Variants in SLC9A1 observed in about 807,000 individuals in gnomAD.
SLC9A1 encodes the protein sodium/hydrogen exchanger 1.
A neutral mutation model predicts 67.9 loss-of-function variants in SLC9A1; 22 were observed. The observed-to-expected ratio is 0.32, with a 90% CI of 0.23 to 0.46. SLC9A1 has a LOEUF of 0.46. SLC9A1 is among the 20% of genes least tolerant of loss of function. The probability of loss-of-function intolerance (pLI) is 1.00; values close to 1 mark genes in which losing one functional copy is unlikely to be tolerated. For missense variants in SLC9A1, 686 were observed against 1,094.8 expected, an observed-to-expected ratio of 0.63 and a Z score of 5.27; for synonymous variants, 421 against 471.8, an observed-to-expected ratio of 0.89 and a Z score of 1.40.
At chr1:27,112,883 CAAAAAAAAAA>C in intron 2 of SLC9A1, among the ~76,000 whole-genome samples, 1 of 41,504 alleles carries the variant, frequency 2.4e-5, no homozygotes, top group East Asian at 8.1e-4. Context: ...GACTCCATCT[CAAAAAAAAAA>C]AAAAAAAAAA....
At chr1:27,138,961 G>A (rs544020335) in intron 1 of SLC9A1, among the ~76,000 whole-genome samples, 68 of 152,178 alleles carry the variant, frequency 4.5e-4, no homozygotes, top group Middle Eastern at 3.4e-3. Context: ...CAGGAGGCCC[G>A]GGAATCACCC....
intron 1 of SLC9A1, among the ~76,000 whole-genome samples, chr1:27,138,310 C>A (rs752451720): frequency 4.6e-5 from 7 of 152,226 alleles, no homozygotes; most frequent in Non-Finnish European, 1.0e-4. Context: ...TGGGTCTCAG[C>A]TCAGACACCA....
At chr1:27,119,356 C>T (rs528178871) in intron 1 of SLC9A1, among the ~76,000 whole-genome samples, 1 of 152,184 alleles carries the variant, frequency 6.6e-6, no homozygotes, top group South Asian at 2.1e-4. Context: ...GCCCATAGTG[C>T]CAGGTCACCA....
intron 1 of SLC9A1, among the ~76,000 whole-genome samples, chr1:27,133,605 T>G (rs1465706646): frequency 6.6e-6 from 1 of 152,030 alleles, no homozygotes; most frequent in Non-Finnish European, 1.5e-5. Flanking sequence ...TTAGAGGTAG[T>G]TAGGACGGGA....
Position 27,107,861 on chromosome 1 carries a change from T to C in SLC9A1, c.1069A>G (p.Ile357Val), listed in dbSNP as rs143304397. 1 of 1,596,410 alleles carries C rather than the reference T, an allele frequency of 6.3e-7. No homozygotes were observed. The highest frequency in any genetic ancestry group is 1.3e-5 in the African/African-American group (1 of 74,816). The change falls in exon 4 of 12, where the codon ATA becomes GTA. Residue 357 changes from isoleucine (I) to valine (V), a missense_variant. Physicochemically the swap from Ile to Val is conservative, Grantham distance 29. Coordinates refer to ENST00000263980, the MANE Select transcript of SLC9A1 (RefSeq NM_003047.5). ...LFHLSGIMAL[I>V]ASGVVMRPYV... ...GGGCGCATCACCACTCCTGAGGCTA[T>C]GAGCCTGGAGCAGGAAAGAGCGGGG...
intron 1 of SLC9A1, among the ~76,000 whole-genome samples, chr1:27,131,745 CAAAA>C (rs34967146): frequency 1.0e-5 from 1 of 97,784 alleles, no homozygotes. Context: ...GACTCTGTCT[CAAAA>C]AAAAAAAAAA....
intron 5 of SLC9A1, 93 bp from the exon 6 acceptor site, chr1:27,103,405 A>C: frequency 2.3e-6 from 2 of 876,018 alleles, no homozygotes; most frequent in Non-Finnish European, 2.0e-6. Flanking sequence ...CCCCAAGGCT[A>C]GGATGCCCTC....
Position 27,148,569 on chromosome 1 carries a change from C to T in SLC9A1, c.352+5414G>A, listed in dbSNP as rs115961686. Among the ~76,000 whole-genome samples the T allele has an allele frequency of 1.7e-3, 263 of 152,248 alleles. 2 individuals are homozygous for T. Among genetic ancestry groups the T allele is most frequent in the African/African-American group, 6.2e-3 (257 of 41,548 alleles). ...TAGTCCCAGGCATGCTAAGTGACCTCAGGCAGGTCACAACCGAAGGCTCAA... is the reference window on the plus strand; with the variant it reads ...TAGTCCCAGGCATGCTAAGTGACCTTAGGCAGGTCACAACCGAAGGCTCAA... On this transcript the variant is annotated intron_variant, in intron 1 of 11. Coordinates refer to ENST00000263980, the MANE Select transcript of SLC9A1 (RefSeq NM_003047.5).
intron 1 of SLC9A1, among the ~76,000 whole-genome samples, chr1:27,128,421 C>T (rs949507821): frequency 3.3e-5 from 5 of 152,180 alleles, no homozygotes; most frequent in South Asian, 2.1e-4. Flanking sequence ...CGGGGGAGGC[C>T]GAGGCGAGAG....
At chr1:27,102,311 A>AG (rs746748838) in intron 8 of SLC9A1, 74 bp downstream of exon 8, 493 of 1,497,592 alleles carry the variant, frequency 3.3e-4, no homozygotes, top group Non-Finnish European at 4.1e-4. Flanking sequence ...CCCGCCCCCC[A>AG]GGTGGCCACC....
rs1386887299 is a variant in SLC9A1, at chr1:27,109,389, A to C, written c.1064+138T>G. ...TTAAATGGCTACCAAGCAGGTCTGG[A>C]GCCTGGAGTTCATGTCTCATCCCTG... is the stretch of plus-strand genomic sequence containing the variant. On this transcript the variant is annotated intron_variant, in intron 3 of 11. Transcript: ENST00000263980. This position sits in a 1 kb window ranked among gnomAD's most constrained non-coding sequence, Gnocchi z 5.5. 2 of 925,880 alleles carry C rather than the reference A, an allele frequency of 2.2e-6. No individual in the cohort carries two copies. The highest frequency in any genetic ancestry group is 3.3e-6 in the Non-Finnish European group (2 of 599,722). The allele number at this position is 925,880 out of a possible 1,614,324, so 57.4% of individuals were successfully genotyped here.
chr1:27,153,952 C>T (rs2083548397), intron 1 of SLC9A1, 31 bp downstream of exon 1: 4 of 1,436,142 alleles, frequency 2.8e-6, no homozygotes, highest in Non-Finnish European at 1.9e-6. Context: ...AGTCTGGTGG[C>T]GGCCGCAGCA....
At chr1:27,126,438 G>C (rs887038409) in intron 1 of SLC9A1, among the ~76,000 whole-genome samples, 7 of 152,270 alleles carry the variant, frequency 4.6e-5, no homozygotes, top group Admixed American at 3.9e-4. Flanking sequence ...GATGTTGTCG[G>C]GGGGGTCACC....
rs755873620 is a variant in SLC9A1, at chr1:27,100,306, G to A, written c.*1C>T. On this transcript the variant is annotated 3_prime_UTR_variant, in exon 12 of 12. Coordinates refer to ENST00000263980, the MANE Select transcript of SLC9A1 (RefSeq NM_003047.5). The surrounding 1 kb of genome is among the most constrained non-coding windows in gnomAD (Gnocchi z 5.6). ...ACAGGCGCTGCCTGCTGGCCCTGGT[G>A]TTACTGCCCCTTGGGGAAGAACGGT... is the stretch of plus-strand genomic sequence containing the variant. The A allele has an allele frequency of 1.2e-5, 18 of 1,520,452 alleles. No individual in the cohort carries two copies. The highest frequency in any genetic ancestry group is 9.2e-5 in the South Asian group (7 of 75,974). The allele number at this position is 1,520,452 out of a possible 1,614,324, so 94.2% of individuals were successfully genotyped here. A position where few individuals can be genotyped will look rare whatever the true frequency, so the allele number is the denominator to read the frequency against.
chr1:27,148,965 A>G (rs2083507311), intron 1 of SLC9A1, among the ~76,000 whole-genome samples: 1 of 152,202 alleles, frequency 6.6e-6, no homozygotes, highest in African/African-American at 2.4e-5. Context: ...CTGATGGCTG[A>G]GAGGGCACCG....
chr1:27,154,431 G>T lies in SLC9A1; in HGVS notation c.-97C>A. ...TCAGCAAGTGGGAAGAGAGACTGGC[G>T]TAGTCTCTAGGAAAAGTTCATGTTT... is the stretch of plus-strand genomic sequence containing the variant. On this transcript the variant is annotated 5_prime_UTR_variant, in exon 1 of 12. Transcript: ENST00000263980. The T allele has an allele frequency of 1.4e-6, 1 of 697,412 alleles. No individual in the cohort carries two copies. The highest frequency in any genetic ancestry group is 2.3e-6 in the Non-Finnish European group (1 of 433,272). The allele number at this position is 697,412 out of a possible 1,614,324, so 43.2% of individuals were successfully genotyped here.
chr1:27,147,299 CAAAA>C (rs57583944), intron 1 of SLC9A1, among the ~76,000 whole-genome samples: 5 of 43,942 alleles, frequency 1.1e-4, no homozygotes, highest in East Asian at 5.2e-4. Flanking sequence ...GACTCTGTCT[CAAAA>C]AAAAAAAAAA....
At chr1:27,144,415 T>C in intron 1 of SLC9A1, among the ~76,000 whole-genome samples, 1 of 152,140 alleles carries the variant, frequency 6.6e-6, no homozygotes, top group Non-Finnish European at 1.5e-5. Flanking sequence ...GACCCTCCAT[T>C]AGAGCCAAGC....
chr1:27,147,654 A>G (rs1191326181), intron 1 of SLC9A1, among the ~76,000 whole-genome samples: 2 of 152,164 alleles, frequency 1.3e-5, no homozygotes, highest in Non-Finnish European at 2.9e-5. Flanking sequence ...TCTCTAAAAA[A>G]ACAAAACAAA....
Sources: gnomAD v4.1 joint callset for allele counts (sites outside exome capture counted in the v4.1 genomes callset) on GRCh38, gnomAD v4.1.1 for gene constraint, Gnocchi (gnomAD v3.1) non-coding constraint, MANE v1.5 for transcripts, NCBI Gene and HGNC (gene_info 2026-07-23, HGNC 2026-07-21) for gene names.